Variants in MAX observed in about 807,000 individuals in gnomAD.
The protein encoded by MAX is MYC associated transcriptional regulator X, also known as protein max.
A neutral mutation model predicts 22.3 loss-of-function variants in MAX; 3 were observed. That is an observed-to-expected ratio of 0.13 (90% CI 0.06 to 0.35). The LOEUF is 0.35. MAX is among the 10% of genes least tolerant of loss of function. The pLI is 1.00. For missense variants in MAX, 119 were observed against 209.4 expected (o/e 0.57, Z 2.66); for synonymous variants, 72 against 77.7 (o/e 0.93, Z 0.39).
chr14:65,084,973 A>AG lies in MAX; in HGVS notation c.172-6938dup, dbSNP rs3837621. On this transcript the variant is annotated intron_variant, in intron 3 of 4. Coordinates refer to ENST00000358664, the MANE Select transcript of MAX (RefSeq NM_002382.5). This position sits in a 1 kb window ranked among gnomAD's most constrained non-coding sequence, Gnocchi z 4.3. ...TAATTTTAGTCACATTAAATGGGGCAGGGGGGGTACGGAGAGTCTATTTTT... is the reference window on the plus strand; with the variant it reads ...TAATTTTAGTCACATTAAATGGGGCAGGGGGGGGTACGGAGAGTCTATTTTT... Among the ~76,000 whole-genome samples, 1 of 151,852 alleles carries AG rather than the reference A, an allele frequency of 6.6e-6. No individual in the cohort carries two copies.
In MAX at chr14:65,075,216, C is replaced by A; in HGVS notation, c.*1260G>T. On this transcript the variant is annotated 3_prime_UTR_variant, in exon 5 of 5. Transcript: ENST00000358664. The surrounding 1 kb of genome is among the most constrained non-coding windows in gnomAD (Gnocchi z 4.1). ...ATTCTTCGGCAGTATGTACAACATA[C>A]TTTTTATTTCCATGGAATGGAATCA... 1 of 1,051,124 alleles carries A rather than the reference C, an allele frequency of 9.5e-7. No homozygotes were observed. The highest frequency in any genetic ancestry group is 1.7e-5 in the African/African-American group (1 of 60,236). The allele number at this position is 1,051,124 out of a possible 1,614,324, so 65.1% of individuals were successfully genotyped here.
In MAX at chr14:65,011,299, C is replaced by T. The variant is rs531237595; in HGVS notation, c.172-5015G>A. ...CAAAAATTAGCTGGGTGTGGTGGCA[C>T]GTGCCTGTAATCCCAGCTACTCAGG... On this transcript the variant is annotated intron_variant, in intron 3 of 3. Transcript: ENST00000341653. This position sits in a 1 kb window ranked among gnomAD's most constrained non-coding sequence, Gnocchi z 4.0. Among the ~76,000 whole-genome samples the T allele has an allele frequency of 8.5e-5, 13 of 152,134 alleles. No individual in the cohort carries two copies. The highest frequency in any genetic ancestry group is 3.9e-4 in the East Asian group (2 of 5,174).
At chr14:65,043,987 T>G (rs963105448) in intron 3 of MAX, among the ~76,000 whole-genome samples, 3 of 152,202 alleles carry the variant, frequency 2.0e-5, no homozygotes, top group African/African-American at 7.2e-5. Flanking sequence ...TTAAGAGACT[T>G]TGAAGGTCTC....
chr14:65,042,874 C>G (rs1037922876), intron 3 of MAX, among the ~76,000 whole-genome samples: 2 of 152,222 alleles, frequency 1.3e-5, no homozygotes, highest in African/African-American at 4.8e-5. Context: ...GCTGGAAGCC[C>G]TGGTTCATTT....
rs1299371972 is a variant in MAX at position 65,082,879 on chromosome 14, G to A, written c.172-4843C>T. ...GTGAGAACTAAACAGGCTTCTAGCA[G>A]AAACACATTGAAAGGAAAAGCCTCA... On this transcript the variant is annotated intron_variant, in intron 3 of 4. Transcript: ENST00000358664. The surrounding 1 kb of genome is among the most constrained non-coding windows in gnomAD (Gnocchi z 4.8). 6.6e-6 allele frequency among the ~76,000 whole-genome samples: 1 copy of A among 152,178 alleles called. No homozygotes were observed. The highest frequency in any genetic ancestry group is 1.5e-5 in the Non-Finnish European group (1 of 68,030).
Position 65,061,058 on chromosome 14 carries a change from C to A in MAX, c.171+32650G>T, listed in dbSNP as rs1255566152. Reference sequence around the variant, plus strand: ...AATACACCATTTTTGAACCTTTGGGCTTTGTGTGTATCTCTGATTCCTTAT... The same window carrying A: ...AATACACCATTTTTGAACCTTTGGGATTTGTGTGTATCTCTGATTCCTTAT... On this transcript the variant is annotated intron_variant, in intron 3 of 3. Transcript: ENST00000341653. 3 of 1,479,500 alleles carry A rather than the reference C, an allele frequency of 2.0e-6. No individual in the cohort carries two copies. In the Admixed American group the frequency reaches 6.4e-5, roughly 32 times the overall value. 91.6% of individuals were successfully genotyped at this position (1,479,500 alleles called of 1,614,324 possible). A position where few individuals can be genotyped will look rare whatever the true frequency, so the allele number is the denominator to read the frequency against.
At chr14:65,039,229 G>A (rs1371579444) in intron 3 of MAX, among the ~76,000 whole-genome samples, 2 of 152,310 alleles carry the variant, frequency 1.3e-5, no homozygotes, top group South Asian at 2.1e-4. Context: ...AGTTCCCTCA[G>A]AGAGGAATCT....
At chr14:65,061,480 AAC>A in intron 3 of MAX, 1 of 1,210,492 alleles carries the variant, frequency 8.3e-7, no homozygotes, top group Non-Finnish European at 1.1e-6. Context: ...GGGTTTGGAG[AAC>A]ACAGTGGCTG....
chr14:65,069,072 T>C lies in MAX; in HGVS notation c.171+24636A>G, dbSNP rs2139717219. Among the ~76,000 whole-genome samples, 1 of 152,212 alleles carries C rather than the reference T, an allele frequency of 6.6e-6. No homozygotes were observed. Among genetic ancestry groups the C allele is most frequent in the South Asian group, 2.1e-4 (1 of 4,832 alleles). On this transcript the variant is annotated intron_variant, in intron 3 of 3. Transcript: ENST00000341653. The surrounding 1 kb of genome is among the most constrained non-coding windows in gnomAD (Gnocchi z 4.6). ...CAGATGCCGATGGTGATGACGTAAGTGCTAGGTGTCCATGCTCCTTGCGAG... is the reference window on the plus strand; with the variant it reads ...CAGATGCCGATGGTGATGACGTAAGCGCTAGGTGTCCATGCTCCTTGCGAG...
chr14:65,092,217 A>G (rs2063528634), intron 3 of MAX, among the ~76,000 whole-genome samples: 1 of 152,222 alleles, frequency 6.6e-6, no homozygotes, highest in East Asian at 1.9e-4. Context: ...TTATAAATAC[A>G]GATTCCCAGG....
downstream of MAX, among the ~76,000 whole-genome samples, chr14:65,070,384 T>C (rs2062974281): frequency 6.6e-6 from 1 of 152,186 alleles, no homozygotes; most frequent in Non-Finnish European, 1.5e-5. This position sits in a 1 kb window ranked among gnomAD's most constrained non-coding sequence, Gnocchi z 4.4. Context: ...AAAAAATTAA[T>C]AGCAGAGACC....
intron 3 of MAX, among the ~76,000 whole-genome samples, chr14:65,051,795 G>T (rs2062618344): frequency 1.3e-5 from 2 of 148,940 alleles, no homozygotes; most frequent in African/African-American, 4.9e-5. Context: ...TTCACCATAG[G>T]AATTTTTTTT....
At position 65,037,402 on chromosome 14, in the gene MAX, CCTTTTTTTTTT is replaced by C. The variant is rs1190247453; in HGVS notation, c.172-31129_172-31119del. Among the ~76,000 whole-genome samples the C allele has an allele frequency of 1.7e-3, 25 of 14,536 alleles. 1 individual carries two copies. Among genetic ancestry groups the C allele is most frequent in the African/African-American group, 3.5e-3 (12 of 3,446 alleles). The allele number at this position is 14,536 out of a possible 152,430, so 9.5% of individuals were successfully genotyped here. ...ATAGGCGTGAGCCACCACGCCGGGC[CCTTTTTTTTTT>C]TTTTTTTTTTTTTTTTTTTTTTTTT... On this transcript the variant is annotated intron_variant, in intron 3 of 3. Coordinates refer to the MAX transcript ENST00000341653.
At chr14:65,052,126 TAA>T (rs1448319907) in intron 3 of MAX, among the ~76,000 whole-genome samples, 1 of 152,170 alleles carries the variant, frequency 6.6e-6, no homozygotes, top group Non-Finnish European at 1.5e-5. Context: ...GACATATATA[TAA>T]GATTTTTAGC....
chr14:65,070,068 C>A lies in MAX; in HGVS notation c.171+23640G>T, dbSNP rs938690977. Among the ~76,000 whole-genome samples, 12 of 151,602 alleles carry A rather than the reference C, an allele frequency of 7.9e-5. No homozygotes were observed. Among genetic ancestry groups the A allele is most frequent in the African/African-American group, 2.9e-4 (12 of 41,532 alleles). ...AAGCACTGTGCATGGGAGCCATGGGCTGCCGGGCTGCCAGGCTGCCAGCCG... is the reference window on the plus strand; with the variant it reads ...AAGCACTGTGCATGGGAGCCATGGGATGCCGGGCTGCCAGGCTGCCAGCCG... On this transcript the variant is annotated intron_variant, in intron 3 of 3. Coordinates refer to the MAX transcript ENST00000341653. This position sits in a 1 kb window ranked among gnomAD's most constrained non-coding sequence, Gnocchi z 4.4.
At chr14:65,101,028 T>G (rs2063815766) in intron 2 of MAX, among the ~76,000 whole-genome samples, 1 of 152,244 alleles carries the variant, frequency 6.6e-6, no homozygotes, top group Non-Finnish European at 1.5e-5. Context: ...TGATGTAACG[T>G]TTGGCTCCTC....
In MAX at chr14:65,077,886, A is replaced by C; in HGVS notation, c.295+27T>G. 6.2e-7 allele frequency: 1 copy of C among 1,614,234 alleles called. No homozygotes were observed. The highest frequency in any genetic ancestry group is 1.1e-5 in the South Asian group (1 of 91,088). On this transcript the variant is annotated intron_variant, in intron 4 of 4. Coordinates refer to ENST00000358664, the MANE Select transcript of MAX (RefSeq NM_002382.5). The surrounding 1 kb of genome is among the most constrained non-coding windows in gnomAD (Gnocchi z 6.3). ...GACCTGGCTGGAGCACAGCAGGGCC[A>C]GCTGCCCCACGAGCTCGGGTGCTCA...
chr14:65,069,858 A>G lies in MAX; in HGVS notation c.171+23850T>C, dbSNP rs567719513. 4.3e-4 allele frequency among the ~76,000 whole-genome samples: 65 copies of G among 152,352 alleles called. 1 individual carries two copies. The South Asian group carries it at 0.013, about 30-fold the overall frequency. ...GTTGGAAACAGGGTCCTTCCTCTCC[A>G]AAGTCTCCTACAGCCTTGCTGCAGT... On this transcript the variant is annotated intron_variant, in intron 3 of 3. Transcript: ENST00000341653. This position sits in a 1 kb window ranked among gnomAD's most constrained non-coding sequence, Gnocchi z 4.6.
intron 3 of MAX, among the ~76,000 whole-genome samples, chr14:65,022,336 A>G (rs1190798053): frequency 6.7e-6 from 1 of 148,302 alleles, no homozygotes. Context: ...TATAATTTTT[A>G]TAACTTATCC....
Sources: allele counts gnomAD v4.1 joint callset (sites outside exome capture counted in the v4.1 genomes callset), GRCh38; gene constraint gnomAD v4.1.1; non-coding constraint Gnocchi (gnomAD v3.1); transcripts MANE v1.5; gene names NCBI Gene and HGNC (gene_info 2026-07-23, HGNC 2026-07-21).